NKAIN3: variants seen among roughly 807,000 people sequenced by gnomAD.
The protein encoded by NKAIN3 is sodium/potassium-transporting ATPase subunit beta-1-interacting protein 3.
Under a neutral mutation model 30.2 loss-of-function variants are expected in NKAIN3, and 25 were observed. The observed-to-expected ratio is 0.83, with a 90% CI of 0.60 to 1.16. NKAIN3 has a LOEUF of 1.16. NKAIN3 is among the 50% of genes most tolerant of loss of function. The pLI is 0.00. For missense variants in NKAIN3, 225 were observed against 254.1 expected (o/e 0.89, Z 0.78); for synonymous variants, 91 against 89.6 (o/e 1.02, Z -0.09).
chr8:62,533,969 T>C (rs745914950), intron 1 of NKAIN3, among the ~76,000 whole-genome samples: 3 of 152,144 alleles, frequency 2.0e-5, no homozygotes, highest in Non-Finnish European at 4.4e-5. Context: ...TGGAGGACAC[T>C]GCAAGTCCCT....
intron 1 of NKAIN3, among the ~76,000 whole-genome samples, chr8:62,276,336 G>T (rs1225869462): frequency 6.6e-6 from 1 of 152,158 alleles, no homozygotes; most frequent in African/African-American, 2.4e-5. Context: ...AAATTGCTGG[G>T]ATTACAGGAG....
At chr8:62,604,203 T>C (rs1056082263) in intron 3 of NKAIN3, among the ~76,000 whole-genome samples, 2 of 152,068 alleles carry the variant, frequency 1.3e-5, no homozygotes, top group Non-Finnish European at 2.9e-5. Context: ...CTGGTCCCAG[T>C]AGAGGCCACT....
At chr8:62,935,217 C>T (rs1401335344) in intron 5 of NKAIN3, among the ~76,000 whole-genome samples, 6 of 152,186 alleles carry the variant, frequency 3.9e-5, no homozygotes, top group Admixed American at 2.0e-4. Flanking sequence ...CAACACTGTT[C>T]GGGGGACAGC....
At chr8:62,284,117 T>C (rs566996668) in intron 1 of NKAIN3, among the ~76,000 whole-genome samples, 1 of 152,026 alleles carries the variant, frequency 6.6e-6, no homozygotes, top group South Asian at 2.1e-4. Flanking sequence ...CCTAGGAAAA[T>C]GGGAGTCCCA....
chr8:62,421,275 G>T (rs951189869), intron 1 of NKAIN3, among the ~76,000 whole-genome samples: 15 of 152,104 alleles, frequency 9.9e-5, no homozygotes, highest in Admixed American at 9.8e-4. Context: ...GAAGAGTATT[G>T]CTGCAGGATC....
intron 1 of NKAIN3, among the ~76,000 whole-genome samples, chr8:62,444,976 T>C (rs1017757670): frequency 1.3e-5 from 2 of 152,128 alleles, no homozygotes; most frequent in Non-Finnish European, 2.9e-5. Flanking sequence ...TGACAGAGTC[T>C]CGCTCTGTCA....
chr8:62,754,908 G>A (rs979567083), intron 4 of NKAIN3, among the ~76,000 whole-genome samples: 1 of 152,186 alleles, frequency 6.6e-6, no homozygotes, highest in Non-Finnish European at 1.5e-5. Context: ...GTGCAAGAAT[G>A]TAAGTCAAAA....
chr8:62,870,240 CTATAGATATCTA>C (rs1820567833), intron 4 of NKAIN3, among the ~76,000 whole-genome samples: 1 of 114,382 alleles, frequency 8.7e-6, no homozygotes, highest in South Asian at 2.7e-4. Flanking sequence ...ATATAGATAT[CTATAGATATCTA>C]TATATATATC....
Position 62,428,802 on chromosome 8 carries a change from C to T in NKAIN3, c.55-150737C>T, listed in dbSNP as rs1461039323. On this transcript the variant is annotated intron_variant, in intron 1 of 6. Coordinates refer to ENST00000623646, the MANE Select transcript of NKAIN3 (RefSeq NM_001304533.3). ...TTTTCTCTTCACTTATTAATTGTTT[C>T]CTTTGCTGTAGAGAAGCTTTTTAGC... 1.2e-4 allele frequency among the ~76,000 whole-genome samples: 18 copies of T among 151,774 alleles called. 1 individual carries two copies. Among genetic ancestry groups the T allele is most frequent in the Admixed American group, 9.2e-4 (14 of 15,194 alleles).
At chr8:62,881,402 C>T (rs984255583) in intron 4 of NKAIN3, among the ~76,000 whole-genome samples, 2 of 152,160 alleles carry the variant, frequency 1.3e-5, no homozygotes, top group African/African-American at 4.8e-5. Flanking sequence ...TTTAGACTAG[C>T]TCCTTTCACT....
At chr8:62,880,069 T>C (rs1204954402) in intron 4 of NKAIN3, among the ~76,000 whole-genome samples, 1 of 152,194 alleles carries the variant, frequency 6.6e-6, no homozygotes, top group Non-Finnish European at 1.5e-5. Flanking sequence ...AAGATGAGCA[T>C]GTAATACCAC....
chr8:62,759,632 G>A (rs1050361171), intron 4 of NKAIN3, among the ~76,000 whole-genome samples: 1 of 152,170 alleles, frequency 6.6e-6, no homozygotes, highest in East Asian at 1.9e-4. Context: ...CTCAGATTTT[G>A]AGCCTAGGTG....
At chr8:62,426,929 G>A (rs1804825208) in intron 1 of NKAIN3, among the ~76,000 whole-genome samples, 1 of 151,946 alleles carries the variant, frequency 6.6e-6, no homozygotes, top group Non-Finnish European at 1.5e-5. Context: ...TGGAAACATG[G>A]GTAATATCAC....
chr8:62,580,954 A>C (rs1269190302), intron 2 of NKAIN3, among the ~76,000 whole-genome samples: 1 of 148,436 alleles, frequency 6.7e-6, no homozygotes, highest in Non-Finnish European at 1.5e-5. Context: ...AAAAAATACA[A>C]AAAGTAGCCA....
chr8:62,715,796 G>T (rs1814881693), intron 3 of NKAIN3, among the ~76,000 whole-genome samples: 1 of 152,176 alleles, frequency 6.6e-6, no homozygotes, highest in African/African-American at 2.4e-5. Context: ...CACCTAATGG[G>T]ATAATAGGTT....
At chr8:62,754,362 GCA>G (rs35621967) in intron 4 of NKAIN3, among the ~76,000 whole-genome samples, 2,102 of 149,444 alleles carry the variant, frequency 0.014, 44 homozygotes, top group African/African-American at 0.045. Flanking sequence ...GTTGATTAGT[GCA>G]CACACACACA....
intron 3 of NKAIN3, among the ~76,000 whole-genome samples, chr8:62,682,899 C>T (rs1024227266): frequency 6.6e-6 from 1 of 152,142 alleles, no homozygotes; most frequent in Non-Finnish European, 1.5e-5. Context: ...TCTCTACCCA[C>T]CCTGGTAGCT....
intron 1 of NKAIN3, among the ~76,000 whole-genome samples, chr8:62,430,364 G>T (rs976200788): frequency 4.1e-5 from 4 of 96,388 alleles, no homozygotes; most frequent in African/African-American, 1.2e-4. Context: ...CATATATATT[G>T]TGGTGTGTGT....
chr8:62,685,902 C>T (rs1229590621), intron 3 of NKAIN3, among the ~76,000 whole-genome samples: 1 of 152,164 alleles, frequency 6.6e-6, no homozygotes, highest in African/African-American at 2.4e-5. Flanking sequence ...TTTTCTCTCT[C>T]CAAAGCTTTC....
Sources: gnomAD v4.1 joint callset for allele counts (sites outside exome capture counted in the v4.1 genomes callset) on GRCh38, gnomAD v4.1.1 for gene constraint, MANE v1.5 for transcripts, NCBI Gene and HGNC (gene_info 2026-07-23, HGNC 2026-07-21) for gene names.